NBEA: variants seen among roughly 807,000 people sequenced by gnomAD.
NBEA encodes the protein neurobeachin.
In NBEA, 44 loss-of-function variants were observed where a neutral mutation model predicts 343.4. The ratio of observed to expected loss-of-function variants is 0.13; its 90% confidence interval spans 0.10 to 0.16. NBEA has a LOEUF of 0.16. NBEA is among the 10% of genes least tolerant of loss of function. NBEA has a pLI of 1.00. For synonymous variants in NBEA, 1,175 were observed against 1,238.7 expected, an observed-to-expected ratio of 0.95 and a Z score of 1.08; for missense variants, 2,555 against 3,631.3, an observed-to-expected ratio of 0.70 and a Z score of 7.62.
chr13:35,194,783 A>C (rs2072463066), intron 30 of NBEA, among the ~76,000 whole-genome samples: 1 of 152,098 alleles, frequency 6.6e-6, no homozygotes, highest in Non-Finnish European at 1.5e-5. Context: ...ATGAAATTTG[A>C]TAGAAATTTA....
intron 10 of NBEA, among the ~76,000 whole-genome samples, chr13:35,088,214 G>T (rs1013580591): frequency 1.3e-5 from 2 of 151,814 alleles, no homozygotes; most frequent in Non-Finnish European, 2.9e-5. Flanking sequence ...TGAGCAATTG[G>T]ATATTGTTTG....
At chr13:35,206,159 A>AT (rs199677983) in intron 31 of NBEA, among the ~76,000 whole-genome samples, 48 of 151,496 alleles carry the variant, frequency 3.2e-4, no homozygotes, top group African/African-American at 1.1e-3. Context: ...GGATTTAGAG[A>AT]TTTTTTTTCT....
intron 1 of NBEA, among the ~76,000 whole-genome samples, chr13:35,017,325 C>T (rs1444732336): frequency 6.6e-6 from 1 of 152,074 alleles, no homozygotes; most frequent in African/African-American, 2.4e-5. Flanking sequence ...CCGTTGGGTA[C>T]TGAGAGTGCT....
At chr13:35,086,153 C>T (rs1852620170) in intron 10 of NBEA, among the ~76,000 whole-genome samples, 1 of 151,978 alleles carries the variant, frequency 6.6e-6, no homozygotes, top group Non-Finnish European at 1.5e-5. Context: ...GGCCATACTG[C>T]CCAAGGTAAT....
chr13:35,508,921 T>C (rs2077169617), intron 41 of NBEA, among the ~76,000 whole-genome samples: 1 of 152,130 alleles, frequency 6.6e-6, no homozygotes, highest in African/African-American at 2.4e-5. Context: ...GGGGCTCCAA[T>C]ATCAGAGTGT....
intron 16 of NBEA, among the ~76,000 whole-genome samples, chr13:35,123,105 A>T (rs2066892387): frequency 6.6e-6 from 1 of 152,210 alleles, no homozygotes; most frequent in Admixed American, 6.5e-5. Flanking sequence ...TAGCCTGGTC[A>T]ATTTGGCAAA....
chr13:34,945,533 G>A (rs905416863), intron 1 of NBEA, among the ~76,000 whole-genome samples: 2 of 152,006 alleles, frequency 1.3e-5, no homozygotes. Flanking sequence ...ACTCGTTAGA[G>A]TTTGGAAACC....
At chr13:35,441,613 C>G (rs2045741019) in intron 39 of NBEA, among the ~76,000 whole-genome samples, 2 of 152,010 alleles carry the variant, frequency 1.3e-5, no homozygotes, top group Admixed American at 6.6e-5. Context: ...AATTGCTGCT[C>G]CATCAGTGAT....
At chr13:35,284,484 G>A (rs1159109552) in intron 34 of NBEA, among the ~76,000 whole-genome samples, 2 of 152,052 alleles carry the variant, frequency 1.3e-5, no homozygotes, top group Non-Finnish European at 2.9e-5. Flanking sequence ...TAATATTAGA[G>A]TTGATTCCAT....
intron 8 of NBEA, among the ~76,000 whole-genome samples, chr13:35,061,961 A>G (rs1390616425): frequency 6.6e-6 from 1 of 151,660 alleles, no homozygotes; most frequent in Admixed American, 6.6e-5. Context: ...AAGTTTCTCT[A>G]CAATATTGTA....
chr13:35,510,718 A>G (rs1462407967), intron 41 of NBEA, among the ~76,000 whole-genome samples: 1 of 152,218 alleles, frequency 6.6e-6, no homozygotes, highest in Non-Finnish European at 1.5e-5. Flanking sequence ...TAGGTACCAA[A>G]CATTATGCTA....
At chr13:35,085,000 C>G (rs2152613879) in intron 10 of NBEA, among the ~76,000 whole-genome samples, 1 of 152,252 alleles carries the variant, frequency 6.6e-6, no homozygotes, top group African/African-American at 2.4e-5. Context: ...GGATGAATTC[C>G]TCGACACATA....
chr13:35,188,633 C>T (rs770860011), intron 30 of NBEA, among the ~76,000 whole-genome samples: 3 of 151,934 alleles, frequency 2.0e-5, no homozygotes, highest in East Asian at 1.9e-4. Context: ...TTCATCTCTT[C>T]GTCAATAGAC....
chr13:35,135,516 A>G (rs1195488805), intron 17 of NBEA, among the ~76,000 whole-genome samples: 1 of 152,032 alleles, frequency 6.6e-6, no homozygotes, highest in Non-Finnish European at 1.5e-5. Flanking sequence ...ACTCAATTAT[A>G]TAAAGATAAA....
At chr13:35,457,046 G>A (rs1418274390) in intron 40 of NBEA, among the ~76,000 whole-genome samples, 1 of 151,598 alleles carries the variant, frequency 6.6e-6, no homozygotes, top group Non-Finnish European at 1.5e-5. Flanking sequence ...GTCCACCCAT[G>A]TTAATGTCTA....
intron 13 of NBEA, among the ~76,000 whole-genome samples, chr13:35,111,859 ATTGAATAT>A (rs1350647250): frequency 6.6e-6 from 1 of 151,252 alleles, no homozygotes; most frequent in African/African-American, 2.4e-5. Flanking sequence ...TCACAATAGC[ATTGAATAT>A]TATAGTTTTA....
chr13:35,461,508 T>C (rs1399047051), intron 40 of NBEA, among the ~76,000 whole-genome samples: 1 of 152,244 alleles, frequency 6.6e-6, no homozygotes, highest in Non-Finnish European at 1.5e-5. Context: ...TGGTTGTTTT[T>C]AAGCATGTGA....
intron 10 of NBEA, among the ~76,000 whole-genome samples, chr13:35,083,065 G>A (rs1018234771): frequency 3.3e-5 from 5 of 152,174 alleles, no homozygotes; most frequent in Non-Finnish European, 7.3e-5. Flanking sequence ...TAACATTTAA[G>A]TCTTTAATCC....
Position 35,655,176 on chromosome 13 carries a change from T to G in NBEA, c.8191+166T>G, listed in dbSNP as rs186843933. Among the ~76,000 whole-genome samples the G allele has an allele frequency of 1.0e-3, 152 of 152,302 alleles. 1 individual carries two copies. Among genetic ancestry groups the G allele is most frequent in the African/African-American group, 3.4e-3 (142 of 41,558 alleles). ...TGTAAGCAAAGTAACTAACTATAAC[T>G]TCATGTATTCCGAACGTTAGCATGA... On this transcript the variant is annotated intron_variant, in intron 54 of 58. Coordinates refer to ENST00000379939, the MANE Select transcript of NBEA (RefSeq NM_001385012.1).
Sources: allele counts gnomAD v4.1 joint callset (sites outside exome capture counted in the v4.1 genomes callset), GRCh38; gene constraint gnomAD v4.1.1; transcripts MANE v1.5; gene names NCBI Gene and HGNC (gene_info 2026-07-23, HGNC 2026-07-21).